GPC6: variants seen among roughly 807,000 people sequenced by gnomAD.
GPC6 encodes the protein glypican 6, also known as glypican-6.
Under a neutral mutation model 55.2 loss-of-function variants are expected in GPC6, and 14 were observed. The ratio of observed to expected loss-of-function variants is 0.25; its 90% confidence interval spans 0.17 to 0.40. GPC6 has a LOEUF of 0.40. Among genes scored for constraint, GPC6 ranks in the 10% least tolerant of loss-of-function variants. The pLI, the probability that GPC6 is intolerant of heterozygous loss-of-function variation, is 1.00. For synonymous variants in GPC6, 278 were observed against 259.6 expected (o/e 1.07, Z -0.68); for missense variants, 641 against 708.5 (o/e 0.90, Z 1.08).
chr13:93,287,009 T>C (rs928905976), intron 1 of GPC6, among the ~76,000 whole-genome samples: 1 of 152,182 alleles, frequency 6.6e-6, no homozygotes, highest in Non-Finnish European at 1.5e-5. Context: ...CATGCACAAA[T>C]TATTAAAAAA....
chr13:93,439,074 A>C (rs1043716454), intron 1 of GPC6, among the ~76,000 whole-genome samples: 4 of 152,186 alleles, frequency 2.6e-5, no homozygotes, highest in Non-Finnish European at 5.9e-5. Flanking sequence ...AGGTATGTAC[A>C]TTGTTTTTTA....
At chr13:93,911,373 T>C (rs930103749) in intron 3 of GPC6, among the ~76,000 whole-genome samples, 5 of 151,820 alleles carry the variant, frequency 3.3e-5, no homozygotes, top group Non-Finnish European at 7.4e-5. Flanking sequence ...AGAAACTTTA[T>C]AGAACGTAAC....
chr13:94,059,688 T>G (rs376183179), intron 4 of GPC6, among the ~76,000 whole-genome samples: 16 of 152,044 alleles, frequency 1.1e-4, no homozygotes, highest in African/African-American at 3.4e-4. Context: ...TGTTGTCTTG[T>G]GAAGGCCCGC....
At chr13:94,119,505 G>A (rs528436198) in intron 4 of GPC6, among the ~76,000 whole-genome samples, 4 of 152,078 alleles carry the variant, frequency 2.6e-5, no homozygotes, top group Non-Finnish European at 5.9e-5. Context: ...AGAAACAGCA[G>A]GTGCAAAGCC....
At chr13:93,516,526 A>T (rs1328949038) in intron 1 of GPC6, among the ~76,000 whole-genome samples, 2 of 152,162 alleles carry the variant, frequency 1.3e-5, no homozygotes, top group Non-Finnish European at 2.9e-5. Flanking sequence ...AGACAGGCAT[A>T]GGTTTTCAAC....
intron 4 of GPC6, among the ~76,000 whole-genome samples, chr13:94,034,210 A>G (rs143241661): frequency 2.4e-4 from 35 of 143,932 alleles, no homozygotes; most frequent in African/African-American, 9.0e-4. Context: ...AGAAGGAAGG[A>G]AGGAAGGAAG....
At chr13:93,667,681 C>G (rs1881196336) in intron 2 of GPC6, among the ~76,000 whole-genome samples, 1 of 150,620 alleles carries the variant, frequency 6.6e-6, no homozygotes, top group African/African-American at 2.5e-5. Context: ...AATCTGCCCA[C>G]CTTGGCCTTG....
intron 3 of GPC6, among the ~76,000 whole-genome samples, chr13:93,851,148 A>G (rs1888379714): frequency 6.6e-6 from 1 of 151,974 alleles, no homozygotes; most frequent in South Asian, 2.1e-4. Context: ...AATTCCAAAG[A>G]CAGTGTTGAG....
chr13:93,826,717 G>T (rs1428951451), intron 2 of GPC6, among the ~76,000 whole-genome samples: 1 of 152,064 alleles, frequency 6.6e-6, no homozygotes, highest in South Asian at 2.1e-4. Flanking sequence ...TTGTCCCGGT[G>T]TGCCATCTTA....
At chr13:93,857,879 T>C (rs1888674485) in intron 3 of GPC6, among the ~76,000 whole-genome samples, 1 of 151,400 alleles carries the variant, frequency 6.6e-6, no homozygotes, top group South Asian at 2.1e-4. Context: ...AAATAATATA[T>C]AGGGTCAAAG....
chr13:93,951,624 C>T (rs551164332), intron 3 of GPC6, among the ~76,000 whole-genome samples: 36 of 152,182 alleles, frequency 2.4e-4, no homozygotes, highest in African/African-American at 7.5e-4. Flanking sequence ...GCAGTTTCAC[C>T]TTGGATAAAT....
intron 7 of GPC6, among the ~76,000 whole-genome samples, chr13:94,390,920 A>G (rs1168915710): frequency 6.6e-6 from 1 of 152,124 alleles, no homozygotes; most frequent in Non-Finnish European, 1.5e-5. Context: ...CTGGCTGCAA[A>G]TAGGAAGAAG....
chr13:94,012,331 C>T (rs1882280588), intron 3 of GPC6, among the ~76,000 whole-genome samples: 1 of 152,048 alleles, frequency 6.6e-6, no homozygotes, highest in Non-Finnish European at 1.5e-5. Flanking sequence ...TAAGAATGGG[C>T]ATTATTCATG....
intron 4 of GPC6, among the ~76,000 whole-genome samples, chr13:94,155,579 G>A (rs1566476058): frequency 6.6e-6 from 1 of 152,110 alleles, no homozygotes; most frequent in Non-Finnish European, 1.5e-5. Flanking sequence ...GCAGGGTGTG[G>A]AGAGAATTTG....
At chr13:94,258,505 A>G (rs1039017298) in intron 4 of GPC6, among the ~76,000 whole-genome samples, 9 of 152,222 alleles carry the variant, frequency 5.9e-5, no homozygotes, top group African/African-American at 2.2e-4. Context: ...TGCAAATTTA[A>G]ATATGATGTT....
intron 2 of GPC6, among the ~76,000 whole-genome samples, chr13:93,654,606 A>T (rs1170375969): frequency 2.6e-5 from 4 of 151,852 alleles, no homozygotes; most frequent in African/African-American, 9.7e-5. Flanking sequence ...GGGATTACAA[A>T]TGTGATTAAG....
At chr13:93,810,250 T>C (rs1219393314) in intron 2 of GPC6, among the ~76,000 whole-genome samples, 2 of 152,212 alleles carry the variant, frequency 1.3e-5, no homozygotes, top group African/African-American at 2.4e-5. Context: ...CAAGATTCAA[T>C]AGCTACATTG....
At chr13:94,271,590 G>A (rs1892028640) in intron 4 of GPC6, among the ~76,000 whole-genome samples, 1 of 152,122 alleles carries the variant, frequency 6.6e-6, no homozygotes, top group African/African-American at 2.4e-5. Context: ...AACCATTAAA[G>A]AGGATAATAG....
chr13:93,717,937 A>C (rs1054598601), intron 2 of GPC6, among the ~76,000 whole-genome samples: 4 of 151,810 alleles, frequency 2.6e-5, no homozygotes, highest in African/African-American at 9.7e-5. Context: ...ATAGGACATG[A>C]ACTCATTCTT....
Sources: allele counts gnomAD v4.1 joint callset (sites outside exome capture counted in the v4.1 genomes callset), GRCh38; gene constraint gnomAD v4.1.1; transcripts MANE v1.5; gene names NCBI Gene and HGNC (gene_info 2026-07-23, HGNC 2026-07-21).